Variants in DYNC1I1 observed in about 807,000 individuals in gnomAD.
DYNC1I1 encodes dynein cytoplasmic 1 intermediate chain 1.
Under a neutral mutation model 86.6 loss-of-function variants are expected in DYNC1I1, and 43 were observed. The observed-to-expected ratio is 0.50, with a 90% confidence interval of 0.39 to 0.64. The LOEUF (loss-of-function observed/expected upper bound fraction) is 0.64. DYNC1I1 is among the 30% of genes least tolerant of loss of function. The pLI is 0.00. For synonymous variants in DYNC1I1, 262 were observed against 283.7 expected (o/e 0.92, Z 0.77); for missense variants, 604 against 788.8 (o/e 0.77, Z 2.81).
chr7:95,814,162 T>C lies in DYNC1I1; in HGVS notation c.314+825T>C, dbSNP rs1191312135. ...CAGATGGCCCCCTCATAGCTCAAGC[T>C]GGTTGAGCTCACATGATATGATGGA... On this transcript the variant is annotated intron_variant, in intron 4 of 16. Transcript: ENST00000447467. Among the ~76,000 whole-genome samples, 4 of 152,178 alleles carry C rather than the reference T, an allele frequency of 2.6e-5. No homozygotes were observed. The East Asian group carries it at 5.8e-4, about 22-fold the overall frequency.
intron 6 of DYNC1I1, among the ~76,000 whole-genome samples, chr7:95,939,748 T>A (rs1407344126): frequency 6.6e-6 from 1 of 152,124 alleles, no homozygotes; most frequent in African/African-American, 2.4e-5. Context: ...TGACTCTTTA[T>A]CCAATTTGCC....
intron 10 of DYNC1I1, among the ~76,000 whole-genome samples, chr7:96,001,875 A>T (rs1794020602): frequency 6.6e-6 from 1 of 152,220 alleles, no homozygotes; most frequent in Admixed American, 6.6e-5. Context: ...AGTACAATTC[A>T]GTCCATAGTA....
rs189758242 is a variant in DYNC1I1, at chr7:95,892,037, G to A, written c.490+22039G>A. Among the ~76,000 whole-genome samples the A allele has an allele frequency of 4.6e-5, 7 of 151,762 alleles. No individual in the cohort carries two copies. In the East Asian group the frequency reaches 7.7e-4, roughly 17 times the overall value. On this transcript the variant is annotated intron_variant, in intron 6 of 16. Coordinates refer to ENST00000447467, the MANE Select transcript of DYNC1I1 (RefSeq NM_001135556.2). Reference sequence around the variant, plus strand: ...GGCTGGAGTGCAGTAGCATCATTTCGGCTCATTGCAACCTCTGCCTCCCAG... The same window carrying A: ...GGCTGGAGTGCAGTAGCATCATTTCAGCTCATTGCAACCTCTGCCTCCCAG...
chr7:96,021,698 G>A lies in DYNC1I1; in HGVS notation c.970-6477G>A, dbSNP rs553015025. On this transcript the variant is annotated intron_variant, in intron 10 of 16. Transcript: ENST00000447467. ...TCCAAGCCCAGCCCTAGGCAACCAC[G>A]ACTCAGCTTTCTGACTCAATGGATT... 2.0e-5 allele frequency among the ~76,000 whole-genome samples: 3 copies of A among 152,108 alleles called. No homozygotes were observed. The East Asian group carries it at 5.8e-4, about 30-fold the overall frequency.
intron 12 of DYNC1I1, among the ~76,000 whole-genome samples, chr7:96,034,412 C>T (rs187587246): frequency 1.5e-3 from 223 of 152,258 alleles, no homozygotes; most frequent in African/African-American, 4.7e-3. Context: ...AATATGGTGG[C>T]TCTAAGTCCG....
intron 2 of DYNC1I1, among the ~76,000 whole-genome samples, chr7:95,808,346 T>A (rs760630168): frequency 7.2e-5 from 11 of 152,096 alleles, no homozygotes; most frequent in African/African-American, 2.7e-4. Flanking sequence ...TAAAAACTAG[T>A]GTGAATTAGG....
chr7:95,977,169 A>G (rs904196814), intron 6 of DYNC1I1, among the ~76,000 whole-genome samples: 1 of 152,174 alleles, frequency 6.6e-6, no homozygotes, highest in African/African-American at 2.4e-5. Context: ...TCCAGGTGGA[A>G]ACATTTTAAA....
intron 16 of DYNC1I1, among the ~76,000 whole-genome samples, chr7:96,092,959 A>T (rs547659367): frequency 1.6e-3 from 240 of 152,198 alleles, no homozygotes; most frequent in Admixed American, 2.5e-3. Flanking sequence ...CCCCACACTA[A>T]CAGGTGAAGG....
Position 96,076,080 on chromosome 7 carries a change from T to C in DYNC1I1, c.1533T>C (p.Phe511=), listed in dbSNP as rs761018106. 24 of 1,614,066 alleles carry C rather than the reference T, an allele frequency of 1.5e-5. No homozygotes were observed. Among genetic ancestry groups the C allele is most frequent in the Middle Eastern group, 3.3e-4 (2 of 6,084 alleles). ...AGCACAACAAGCCGCTCTACTCCTT[T>C]GAAGACAATGCAGACTATGTGTACG... is the stretch of plus-strand genomic sequence containing the variant. The part of the protein sequence containing the change: ...TTKHNKPLYS[F]EDNADYVYDV... Residue 511 remains phenylalanine (F), a synonymous_variant, in exon 15 of 17, where the codon TTT becomes TTC. Transcript: ENST00000447467.
chr7:95,793,886 T>C (rs929850050), intron 1 of DYNC1I1, among the ~76,000 whole-genome samples: 1 of 152,222 alleles, frequency 6.6e-6, no homozygotes, highest in Non-Finnish European at 1.5e-5. Flanking sequence ...AGCTGTGTGA[T>C]GCTCTATGGA....
chr7:95,975,572 A>G (rs1793283519), intron 6 of DYNC1I1, among the ~76,000 whole-genome samples: 1 of 152,100 alleles, frequency 6.6e-6, no homozygotes, highest in Non-Finnish European at 1.5e-5. Context: ...ACCTCATTTG[A>G]ACTAATTATA....
At chr7:95,835,881 G>A (rs1385251071) in intron 5 of DYNC1I1, among the ~76,000 whole-genome samples, 1 of 151,974 alleles carries the variant, frequency 6.6e-6, no homozygotes, top group Non-Finnish European at 1.5e-5. Flanking sequence ...CATGTGAGAT[G>A]GGCTTCCTGA....
At chr7:95,780,872 A>G (rs976750889) in intron 1 of DYNC1I1, among the ~76,000 whole-genome samples, 2 of 151,920 alleles carry the variant, frequency 1.3e-5, no homozygotes, top group African/African-American at 4.8e-5. Context: ...CCTGTGGGGA[A>G]TGTGTGTTTT....
intron 7 of DYNC1I1, among the ~76,000 whole-genome samples, chr7:95,982,576 T>C (rs1793483894): frequency 6.6e-6 from 1 of 152,118 alleles, no homozygotes; most frequent in African/African-American, 2.4e-5. Flanking sequence ...ACAGGTGAAA[T>C]AGAAGTGGCT....
At chr7:95,939,605 G>C (rs371370035) in intron 6 of DYNC1I1, among the ~76,000 whole-genome samples, 2,557 of 150,638 alleles carry the variant, frequency 0.017, 48 homozygotes, top group South Asian at 0.1. Context: ...TTTTATCAGA[G>C]ACTAGGATTG....
intron 6 of DYNC1I1, among the ~76,000 whole-genome samples, chr7:95,882,883 A>C (rs1790491940): frequency 1.3e-5 from 2 of 152,266 alleles, no homozygotes; most frequent in South Asian, 4.2e-4. Flanking sequence ...CATAGTTGAA[A>C]TCTCTCGTCA....
rs1435554854 is a variant in DYNC1I1 at position 95,977,576 on chromosome 7, G to T, written c.555G>T (p.Gln185His). The change falls in exon 7 of 17, where the codon CAG (glutamine) becomes CAT (histidine). Residue 185 changes from glutamine to histidine, a missense_variant. Gln to His is a conservative substitution (Grantham distance 24). Coordinates refer to ENST00000447467, the MANE Select transcript of DYNC1I1 (RefSeq NM_001135556.2). ...KVGQDSELEN[Q>H]DKKQEVKEAP... The stretch of plus-strand genomic sequence containing the variant: ...GCCAGGACTCAGAACTGGAAAATCA[G>T]GACAAAAAACAGGAAGTGAAGGAAG... 3 of 1,611,498 alleles carry T rather than the reference G, an allele frequency of 1.9e-6. No individual in the cohort carries two copies. Among genetic ancestry groups the T allele is most frequent in the East Asian group, 2.2e-5 (1 of 44,768 alleles).
chr7:96,086,278 G>A (rs541035929), intron 16 of DYNC1I1, among the ~76,000 whole-genome samples: 4 of 152,304 alleles, frequency 2.6e-5, no homozygotes, highest in African/African-American at 9.6e-5. Context: ...GAAAGAAGCA[G>A]TTTATCTTCC....
At chr7:96,088,504 T>A (rs1790748463) in intron 16 of DYNC1I1, among the ~76,000 whole-genome samples, 1 of 152,178 alleles carries the variant, frequency 6.6e-6, no homozygotes, top group Non-Finnish European at 1.5e-5. Context: ...AGTGTTAATT[T>A]TTTTATGGCT....
Sources: allele counts gnomAD v4.1 joint callset (sites outside exome capture counted in the v4.1 genomes callset), GRCh38; gene constraint gnomAD v4.1.1; transcripts MANE v1.5; gene names NCBI Gene and HGNC (gene_info 2026-07-23, HGNC 2026-07-21).